CCSER1: variants seen among roughly 807,000 people sequenced by gnomAD.
CCSER1 encodes serine-rich coiled-coil domain-containing protein 1.
Under a neutral mutation model 82.0 loss-of-function variants are expected in CCSER1, and 41 were observed. The observed-to-expected ratio is 0.50, with a 90% CI of 0.39 to 0.65. The LOEUF (loss-of-function observed/expected upper bound fraction) is 0.65, where lower values mean the gene tolerates loss of function less well. CCSER1 is among the 30% of genes least tolerant of loss of function. The pLI is 0.00. For synonymous variants in CCSER1, 414 were observed against 383.9 expected, an observed-to-expected ratio of 1.08 and a Z score of -0.92; for missense variants, 1,119 against 1,064.2, an observed-to-expected ratio of 1.05 and a Z score of -0.72.
At position 91,573,537 on chromosome 4, in the gene CCSER1, A is replaced by C. The variant is rs145801295; in HGVS notation, c.2218-25035A>C. On this transcript the variant is annotated intron_variant, in intron 10 of 10. Coordinates refer to ENST00000509176, the MANE Select transcript of CCSER1 (RefSeq NM_001145065.2). ...CCTGGTGGAGTGCAGTGGGTTCACA[A>C]GGAGATCTCCTGACCCAAGGATTGC... Among the ~76,000 whole-genome samples the C allele has an allele frequency of 2.7e-3, 413 of 152,272 alleles. 1 individual carries two copies. The highest frequency in any genetic ancestry group is 9.5e-3 in the African/African-American group (394 of 41,576).
intron 1 of CCSER1, among the ~76,000 whole-genome samples, chr4:90,244,318 G>A (rs549665068): frequency 6.6e-6 from 1 of 152,278 alleles, no homozygotes; most frequent in South Asian, 2.1e-4. Flanking sequence ...AAATTTACCA[G>A]TTTAGAATAA....
At chr4:90,256,393 A>G (rs937199422) in intron 1 of CCSER1, among the ~76,000 whole-genome samples, 1 of 152,166 alleles carries the variant, frequency 6.6e-6, no homozygotes, top group Non-Finnish European at 1.5e-5. Flanking sequence ...TGGGGTGGGC[A>G]TTATTGACTT....
chr4:91,086,134 G>A, intron 10 of CCSER1, 140 bp downstream of exon 10: 1 of 582,912 alleles, frequency 1.7e-6, no homozygotes, highest in Non-Finnish European at 3.1e-6. Context: ...TCTGCATATG[G>A]CTCTGTTCAT....
rs570604573 is a variant in CCSER1, at chr4:91,548,121, A to G, written c.2218-50451A>G. On this transcript the variant is annotated intron_variant, in intron 10 of 10. Coordinates refer to ENST00000509176, the MANE Select transcript of CCSER1 (RefSeq NM_001145065.2). Reference sequence around the variant, plus strand: ...GGTTTTGAGTGTTATATATTGCACTATTTTCTCTCCTTTCTTAGAATATCA... The same window carrying G: ...GGTTTTGAGTGTTATATATTGCACTGTTTTCTCTCCTTTCTTAGAATATCA... Among the ~76,000 whole-genome samples, 17 of 152,108 alleles carry G rather than the reference A, an allele frequency of 1.1e-4. 1 individual carries two copies. The South Asian group carries it at 3.5e-3, about 32-fold the overall frequency.
chr4:90,733,387 T>G (rs1007411617), intron 7 of CCSER1, among the ~76,000 whole-genome samples: 1 of 152,206 alleles, frequency 6.6e-6, no homozygotes, highest in African/African-American at 2.4e-5. Context: ...CATTGTTAAT[T>G]TTTTGTCCTA....
At chr4:91,177,611 G>A (rs1203252296) in intron 10 of CCSER1, among the ~76,000 whole-genome samples, 1 of 152,134 alleles carries the variant, frequency 6.6e-6, no homozygotes, top group Non-Finnish European at 1.5e-5. Flanking sequence ...TTACGTAGAG[G>A]TGTTTCTAGT....
intron 8 of CCSER1, among the ~76,000 whole-genome samples, chr4:90,818,284 T>C (rs1475217098): frequency 1.3e-5 from 2 of 151,380 alleles, no homozygotes; most frequent in African/African-American, 4.8e-5. Context: ...TTTTTCTTTT[T>C]TTTTTTTTTT....
intron 10 of CCSER1, among the ~76,000 whole-genome samples, chr4:91,364,311 G>A (rs984954520): frequency 6.6e-6 from 1 of 151,830 alleles, no homozygotes; most frequent in Non-Finnish European, 1.5e-5. Flanking sequence ...GCCTAGAAAA[G>A]ACTAATTTTC....
Position 90,391,444 on chromosome 4 carries a change from GTATATATATA to G in CCSER1, c.1510-8559_1510-8550del, listed in dbSNP as rs770320334. ...ACCCTATATATATAAATATATGGGG[GTATATATATA>G]TATATATATATATATATATATATAT... On this transcript the variant is annotated intron_variant, in intron 3 of 10. Transcript: ENST00000509176. Among the ~76,000 whole-genome samples the G allele has an allele frequency of 3.1e-3, 117 of 37,490 alleles. 2 individuals are homozygous for G. The highest frequency in any genetic ancestry group is 0.029 in the South Asian group (26 of 884). 24.6% of individuals were successfully genotyped at this position (37,490 alleles called of 152,430 possible). A position where few individuals can be genotyped will look rare whatever the true frequency, so the allele number is the denominator to read the frequency against.
chr4:90,934,336 T>G (rs1730654588), intron 9 of CCSER1, among the ~76,000 whole-genome samples: 1 of 152,136 alleles, frequency 6.6e-6, no homozygotes, highest in Admixed American at 6.6e-5. Flanking sequence ...TATTTCAGGA[T>G]AAGAGAAAAT....
intron 10 of CCSER1, among the ~76,000 whole-genome samples, chr4:91,496,673 A>AT (rs1312280215): frequency 1.5e-4 from 3 of 19,898 alleles, no homozygotes; most frequent in Non-Finnish European, 2.6e-4. Flanking sequence ...TATATATTCA[A>AT]TATATTTGAA....
At chr4:90,949,549 G>A (rs1028830194) in intron 9 of CCSER1, among the ~76,000 whole-genome samples, 2 of 152,152 alleles carry the variant, frequency 1.3e-5, no homozygotes, top group East Asian at 3.9e-4. Context: ...CCCAACTGGA[G>A]TTATAGGTTT....
intron 9 of CCSER1, chr4:90,951,397 G>T (rs781692248): frequency 1.3e-5 from 2 of 152,022 alleles, no homozygotes. Flanking sequence ...GTTGTGAAGG[G>T]CATCACTCCC....
intron 6 of CCSER1, among the ~76,000 whole-genome samples, chr4:90,632,656 T>C (rs1423189523): frequency 6.6e-6 from 1 of 152,104 alleles, no homozygotes; most frequent in Non-Finnish European, 1.5e-5. Context: ...AGCATGTGAA[T>C]GGTGAGGACT....
rs1248600879 is a variant in CCSER1, at chr4:90,127,631, C to T, written c.-242C>T. On this transcript the variant is annotated 5_prime_UTR_variant, in exon 1 of 11. Coordinates refer to ENST00000509176, the MANE Select transcript of CCSER1 (RefSeq NM_001145065.2). ...AAGCGGTGGCTCGGGCAGAGCAGCTCCGCTGGCGCAGGCAGGAGGAGCAGG... is the reference window on the plus strand; with the variant it reads ...AAGCGGTGGCTCGGGCAGAGCAGCTTCGCTGGCGCAGGCAGGAGGAGCAGG... The T allele has an allele frequency of 6.5e-6, 1 of 152,868 alleles. No homozygotes were observed. The highest frequency in any genetic ancestry group is 1.5e-5 in the Non-Finnish European group (1 of 68,588). The allele number at this position is 152,868 out of a possible 1,614,324, so 9.5% of individuals were successfully genotyped here. A position where few individuals can be genotyped will look rare whatever the true frequency, so the allele number is the denominator to read the frequency against.
chr4:90,559,367 T>G (rs997640830), intron 5 of CCSER1, among the ~76,000 whole-genome samples: 9 of 152,124 alleles, frequency 5.9e-5, no homozygotes, highest in African/African-American at 2.2e-4. Context: ...AGGGAGAAGT[T>G]GAGCTGCAAA....
intron 1 of CCSER1, among the ~76,000 whole-genome samples, chr4:90,284,494 A>AT (rs34170994): frequency 0.019 from 2,548 of 137,334 alleles, 28 homozygotes; most frequent in Non-Finnish European, 0.027. Context: ...CTTTGAATTG[A>AT]TTTTTTTTTT....
At chr4:90,155,556 A>C (rs928327911) in intron 1 of CCSER1, among the ~76,000 whole-genome samples, 5 of 152,112 alleles carry the variant, frequency 3.3e-5, no homozygotes, top group Middle Eastern at 3.4e-3. Context: ...ACAATTTCAG[A>C]TCCTGTTATT....
chr4:91,547,119 T>A (rs1369310021), intron 10 of CCSER1, among the ~76,000 whole-genome samples: 2 of 152,122 alleles, frequency 1.3e-5, no homozygotes, highest in Non-Finnish European at 2.9e-5. Flanking sequence ...TGATTTATAT[T>A]ATTTTTAATT....
Sources: allele counts gnomAD v4.1 joint callset (sites outside exome capture counted in the v4.1 genomes callset), GRCh38; gene constraint gnomAD v4.1.1; transcripts MANE v1.5; gene names NCBI Gene and HGNC (gene_info 2026-07-23, HGNC 2026-07-21).